The following DRC4 variants were observed in gnomAD, a reference collection of about 807,000 sequenced individuals.
DRC4 encodes GAS-11.
chr16:90,038,381 C>T, the DRC4 span, among the ~76,000 whole-genome samples: 75 of 152,332 alleles, frequency 4.9e-4, no homozygotes, highest in Admixed American at 1.2e-3. Context: ...CACAGTGTAT[C>T]AGGCTGCACA....
chr16:90,035,926 T>TA, the DRC4 span: 264 of 1,430,658 alleles, frequency 1.8e-4, no homozygotes, highest in Non-Finnish European at 2.3e-4. Flanking sequence ...CACTCCTAGC[T>TA]AAAATCAGTA....
At chr16:90,043,056 C>A in the DRC4 span, 2 of 972,620 alleles carry the variant, frequency 2.1e-6, no homozygotes, top group Non-Finnish European at 3.0e-6. Flanking sequence ...CTGTGTCCCA[C>A]ACGGGAAATG....
At chr16:90,020,024 C>T in the DRC4 span, 1 of 697,086 alleles carries the variant, frequency 1.4e-6, no homozygotes, top group Non-Finnish European at 2.6e-6. Context: ...GAAACTGACC[C>T]CCATGTCCCT....
At chr16:90,037,393 C>T in the DRC4 span, 1 of 1,611,002 alleles carries the variant, frequency 6.2e-7, no homozygotes, top group African/African-American at 1.3e-5. Flanking sequence ...ACAAGCAGAT[C>T]CTGCTTGTGA....
chr16:90,035,632 G>T, the DRC4 span: 3 of 1,614,178 alleles, frequency 1.9e-6, no homozygotes, highest in Non-Finnish European at 2.5e-6. Context: ...TCCCTGTGCA[G>T]AAACACACCG....
At chr16:90,042,449 C>T in the DRC4 span, 24 of 1,612,286 alleles carry the variant, frequency 1.5e-5, no homozygotes, top group African/African-American at 2.7e-5. Context: ...TCTCAAACTC[C>T]CATCACCTCT....
chr16:90,021,081 G>A, the DRC4 span, among the ~76,000 whole-genome samples: 1 of 152,208 alleles, frequency 6.6e-6, no homozygotes, highest in African/African-American at 2.4e-5. Flanking sequence ...GAGGCCTCAG[G>A]GCTTACTATA....
chr16:90,028,352 T>C, the DRC4 span, among the ~76,000 whole-genome samples: 1 of 143,890 alleles, frequency 6.9e-6, no homozygotes, highest in Non-Finnish European at 1.6e-5. Context: ...GCCTGGCTAA[T>C]TTTTTTTTTG....
the DRC4 span, among the ~76,000 whole-genome samples, chr16:90,026,617 C>G: frequency 6.6e-6 from 1 of 152,208 alleles, no homozygotes; most frequent in South Asian, 2.1e-4. Context: ...GGTCTTTCCT[C>G]TGTTTTGCAT....
the DRC4 span, chr16:90,029,635 C>CTACA: frequency 4.5e-6 from 1 of 222,270 alleles, no homozygotes; most frequent in Non-Finnish European, 9.6e-6. Context: ...CAGAACCCCT[C>CTACA]CTGCTGCTCC....
At chr16:90,037,960 C>A in the DRC4 span, 1 of 931,942 alleles carries the variant, frequency 1.1e-6, no homozygotes, top group Admixed American at 1.8e-5. Context: ...GGATGGCACC[C>A]CTGCTAGCCA....
At chr16:90,037,251 G>T in the DRC4 span, 1 of 1,611,382 alleles carries the variant, frequency 6.2e-7, no homozygotes, top group Admixed American at 1.7e-5. Context: ...GAGGACATGC[G>T]GAAGAAGGAG....
At chr16:90,028,173 ATTTTTTTTTTTTT>A in the DRC4 span, among the ~76,000 whole-genome samples, 6 of 63,838 alleles carry the variant, frequency 9.4e-5, no homozygotes, top group South Asian at 6.1e-4. Context: ...TTAATCGTTC[ATTTTTTTTTTTTT>A]TTTTTTTTTT....
chr16:90,032,850 G>T, the DRC4 span: 2 of 1,613,980 alleles, frequency 1.2e-6, no homozygotes, highest in South Asian at 2.2e-5. Context: ...GCTGCGCAAG[G>T]ACATGCGGGC....
chr16:90,026,659 A>G, the DRC4 span, among the ~76,000 whole-genome samples: 1 of 150,824 alleles, frequency 6.6e-6, no homozygotes, highest in Non-Finnish European at 1.5e-5. Context: ...TTTACCAAGG[A>G]GTGAGTGGGT....
the DRC4 span, chr16:90,027,541 G>A: frequency 7.7e-7 from 1 of 1,290,984 alleles, no homozygotes; most frequent in Non-Finnish European, 1.1e-6. Context: ...AGAGGTTCCA[G>A]AACCTTCTCT....
chr16:90,036,553 C>T, the DRC4 span: 1 of 1,595,180 alleles, frequency 6.3e-7, no homozygotes, highest in Non-Finnish European at 8.5e-7. Flanking sequence ...ACGACATCAC[C>T]CTCAACAACC....
the DRC4 span, chr16:90,031,499 G>A: frequency 6.4e-7 from 1 of 1,554,412 alleles, no homozygotes; most frequent in Non-Finnish European, 8.7e-7. Context: ...AGATCAAGGT[G>A]AGTGGGGCCG....
At chr16:90,026,010 T>A in the DRC4 span, among the ~76,000 whole-genome samples, 1 of 152,094 alleles carries the variant, frequency 6.6e-6, no homozygotes, top group Non-Finnish European at 1.5e-5. Flanking sequence ...TCCCAGCTCC[T>A]TGGGAGGCTG....
Sources: allele counts gnomAD v4.1 joint callset (sites outside exome capture counted in the v4.1 genomes callset), GRCh38; gene constraint gnomAD v4.1.1; transcripts MANE v1.5; gene names NCBI Gene and HGNC (gene_info 2026-07-23, HGNC 2026-07-21).